AKAP13: variants seen among roughly 807,000 people sequenced by gnomAD.
AKAP13 encodes A-kinase anchoring protein 13.
AKAP13 carries 80 observed loss-of-function variants against 264.5 expected under a neutral mutation model. The observed-to-expected ratio is 0.30, with a 90% confidence interval of 0.25 to 0.36. The LOEUF is 0.36. Ranked by LOEUF, AKAP13 falls within the 10% of genes least tolerant of loss-of-function variation. AKAP13 has a pLI of 1.00. For synonymous variants in AKAP13, 1,380 were observed against 1,250.2 expected, an observed-to-expected ratio of 1.10 and a Z score of -2.19; for missense variants, 3,712 against 3,435.2, an observed-to-expected ratio of 1.08 and a Z score of -2.01.
Position 85,626,120 on chromosome 15 carries a change from A to G in AKAP13, c.4162-13254A>G, listed in dbSNP as rs71397886. On this transcript the variant is annotated intron_variant, in intron 8 of 36. Transcript: ENST00000394518. ...TGGAGCTTGTCCTCTGGTTAATGAC[A>G]TTGACCATGATTGGTAGTGTCTGGC... is the stretch of plus-strand genomic sequence containing the variant. Among the ~76,000 whole-genome samples the G allele has an allele frequency of 1.8e-3, 281 of 152,320 alleles. 3 individuals carry two copies. The highest frequency in any genetic ancestry group is 3.4e-3 in the Middle Eastern group (1 of 294).
intron 17 of AKAP13, chr15:85,701,068 T>G (rs566593432): frequency 6.6e-6 from 1 of 152,346 alleles, no homozygotes; most frequent in African/African-American, 2.4e-5. Context: ...CTGAACACAG[T>G]ATATTAATAT....
intron 35 of AKAP13, among the ~76,000 whole-genome samples, chr15:85,741,703 A>T (rs2088983898): frequency 7.4e-5 from 1 of 13,470 alleles, no homozygotes. Context: ...CTCCTAAAAA[A>T]AAAAAAAAAA....
At chr15:85,707,801 G>GAA (rs35578911) in intron 17 of AKAP13, among the ~76,000 whole-genome samples, 40 of 146,420 alleles carry the variant, frequency 2.7e-4, no homozygotes, top group African/African-American at 4.5e-4. Flanking sequence ...CACAAACACC[G>GAA]AAAAAAAAAA....
chr15:85,590,870 C>T (rs529573517), intron 8 of AKAP13, among the ~76,000 whole-genome samples: 7 of 152,196 alleles, frequency 4.6e-5, no homozygotes, highest in African/African-American at 1.7e-4. Context: ...AGATCAGAGC[C>T]TGGCACAAAA....
At chr15:85,682,898 C>T (rs986841955) in intron 15 of AKAP13, among the ~76,000 whole-genome samples, 10 of 151,970 alleles carry the variant, frequency 6.6e-5, no homozygotes, top group Non-Finnish European at 1.5e-4. Context: ...AACTCCCGAC[C>T]TCAGGTGATC....
At chr15:85,493,803 C>T (rs962239313) in intron 2 of AKAP13, among the ~76,000 whole-genome samples, 4 of 151,896 alleles carry the variant, frequency 2.6e-5, no homozygotes, top group East Asian at 1.9e-4. Context: ...GGGTAAGGGA[C>T]GAGGGATGCT....
chr15:85,739,804 A>AT (rs60835110), intron 33 of AKAP13, among the ~76,000 whole-genome samples: 1 of 151,962 alleles, frequency 6.6e-6, no homozygotes. Flanking sequence ...TCTCAACTCA[A>AT]TTTTTTTCAG....
chr15:85,730,738 A>C, intron 30 of AKAP13, 31 bp downstream of exon 30: 3 of 1,584,332 alleles, frequency 1.9e-6, no homozygotes, highest in Non-Finnish European at 1.7e-6. Flanking sequence ...CCCCCTCTTC[A>C]TCTACTCCCA....
intron 2 of AKAP13, among the ~76,000 whole-genome samples, chr15:85,503,758 C>T (rs2076104216): frequency 6.6e-6 from 1 of 152,190 alleles, no homozygotes; most frequent in African/African-American, 2.4e-5. Context: ...GTATTTCATG[C>T]TTTACTCTCT....
At chr15:85,570,601 G>A (rs2078784097) in intron 5 of AKAP13, among the ~76,000 whole-genome samples, 1 of 152,206 alleles carries the variant, frequency 6.6e-6, no homozygotes, top group African/African-American at 2.4e-5. Context: ...AGGATTTCTC[G>A]ATGCCAGCAC....
chr15:85,648,207 A>G (rs2151496369), intron 10 of AKAP13, among the ~76,000 whole-genome samples: 2 of 152,374 alleles, frequency 1.3e-5, no homozygotes, highest in South Asian at 4.1e-4. Flanking sequence ...GGGATCATTG[A>G]TAATCATTGA....
At position 85,579,333 on chromosome 15, in the gene AKAP13, A is replaced by G. The variant is rs2079111494; in HGVS notation, c.1265A>G (p.Asn422Ser). Residue 422 changes from asparagine to serine, a missense_variant, in exon 7 of 37, where the codon AAT becomes AGT. Physicochemically the swap from Asn to Ser is conservative, Grantham distance 46. This residue lies in a region of AKAP13 where 2,759 missense variants were observed against 2,411.7 expected (regional missense o/e 1.14). Transcript: ENST00000394518. ...TEGLSSCGNR[N>S]EETGTKSSGM... ...GGCCTTTCGTCCTGTGGAAACAGAA[A>G]TGAAGAAACTGGAACAAAATCTTCT... The G allele has an allele frequency of 1.9e-6, 3 of 1,614,130 alleles. No homozygotes were observed. The highest frequency in any genetic ancestry group is 2.7e-5 in the African/African-American group (2 of 74,950).
rs375531763 is a variant in AKAP13 at position 85,710,561 on chromosome 15, T to G, written c.5533-18T>G. 1.2e-4 allele frequency: 197 copies of G among 1,612,852 alleles called. 1 individual carries two copies. Among genetic ancestry groups the G allele is most frequent in the Non-Finnish European group, 1.6e-4 (193 of 1,179,438 alleles). ...GTCAGAGGTGAATTGTCAATGGACT[T>G]ACTTTCTTTCTCTTTAGCAGCCCAA... On this transcript the variant is annotated intron_variant, in intron 18 of 36. Coordinates refer to ENST00000394518, the MANE Select transcript of AKAP13 (RefSeq NM_007200.5).
chr15:85,609,520 G>C (rs192023370), intron 8 of AKAP13, among the ~76,000 whole-genome samples: 2 of 151,992 alleles, frequency 1.3e-5, no homozygotes, highest in South Asian at 4.1e-4. Context: ...TTCATCTGTC[G>C]ATGGACACTT....
rs1170597573 is a variant in AKAP13, at chr15:85,543,883, A to G, written c.590A>G (p.Asn197Ser). ...PGGRGALSIH[N>S]QEGATPVSLA... is the part of the protein sequence containing the mutation. ...GGCCGCGGAGCTCTCAGTATCCACA[A>G]CCAGGAAGGGGCGACGCCTGTGAGC... The change falls in exon 5 of 37, where the codon AAC becomes AGC. Residue 197 changes from asparagine (N) to serine (S), a missense_variant. Around this residue, in one of 3 missense-constraint regions of AKAP13, gnomAD observed 2,759 missense variants for 2,411.7 expected, o/e 1.14. Coordinates refer to ENST00000394518, the MANE Select transcript of AKAP13 (RefSeq NM_007200.5). 1.2e-6 allele frequency: 2 copies of G among 1,614,136 alleles called. No individual in the cohort carries two copies. The highest frequency in any genetic ancestry group is 1.7e-6 in the Non-Finnish European group (2 of 1,180,006).
At chr15:85,712,994 A>G (rs182068735) in intron 19 of AKAP13, among the ~76,000 whole-genome samples, 171 of 152,272 alleles carry the variant, frequency 1.1e-3, no homozygotes, top group Non-Finnish European at 1.5e-3. Context: ...TCTGTGCCTC[A>G]TTTTCTTCCT....
In AKAP13 at chr15:85,581,828, C is replaced by G; in HGVS notation, c.3760C>G (p.Arg1254Gly). ...AGACTTGATAGAGGAGGCTGCCAGC[C>G]GTATAGTGGATGCTGTCATCGAACA... ...GADLIEEAAS[R>G]IVDAVIEQVK... Residue 1254 changes from arginine to glycine, a missense_variant, in exon 7 of 37, where the codon CGT becomes GGT. Transcript: ENST00000394518. 6.2e-7 allele frequency: 1 copy of G among 1,614,156 alleles called. No individual in the cohort carries two copies. Among genetic ancestry groups the G allele is most frequent in the South Asian group, 1.1e-5 (1 of 91,084 alleles).
chr15:85,707,621 G>T (rs551467756), intron 17 of AKAP13, among the ~76,000 whole-genome samples: 2 of 152,026 alleles, frequency 1.3e-5, no homozygotes, highest in African/African-American at 2.4e-5. Flanking sequence ...TTTAGTTTTG[G>T]TAGCCTCTCA....
At chr15:85,452,982 C>G (rs2074144534) in intron 1 of AKAP13, among the ~76,000 whole-genome samples, 1 of 152,148 alleles carries the variant, frequency 6.6e-6, no homozygotes, top group Non-Finnish European at 1.5e-5. Flanking sequence ...TGAGCAGTTG[C>G]TTAGTGCAGT....
Sources: gnomAD v4.1 joint callset for allele counts (sites outside exome capture counted in the v4.1 genomes callset) on GRCh38, gnomAD v4.1.1 for gene constraint, gnomAD v4.1.1 regional missense constraint, MANE v1.5 for transcripts, NCBI Gene and HGNC (gene_info 2026-07-23, HGNC 2026-07-21) for gene names.